Variants in GPR137C observed in about 807,000 individuals in gnomAD.
GPR137C encodes integral membrane protein GPR137C.
In GPR137C, 27 loss-of-function variants were observed where a neutral mutation model predicts 43.4. That is an observed-to-expected ratio of 0.62 (90% CI 0.46 to 0.86). The LOEUF is 0.86. Ranked by LOEUF, GPR137C falls within the 40% of genes least tolerant of loss-of-function variation. GPR137C has a pLI of 0.00. For synonymous variants in GPR137C, 285 were observed against 226.9 expected (o/e 1.26, Z -2.30); for missense variants, 522 against 534.6 (o/e 0.98, Z 0.23).
rs2038107819 is a variant in GPR137C at position 52,553,151 on chromosome 14, A to C, written c.4A>C (p.Arg2=). The C allele has an allele frequency of 3.1e-5, 36 of 1,169,344 alleles. No individual in the cohort carries two copies. Among genetic ancestry groups the C allele is most frequent in the Non-Finnish European group, 3.7e-5 (35 of 950,384 alleles). The allele number at this position is 1,169,344 out of a possible 1,614,324, so 72.4% of individuals were successfully genotyped here. A position where few individuals can be genotyped will look rare whatever the true frequency, so the allele number is the denominator to read the frequency against. M[R]VSVPGPAAAA... is the part of the protein sequence containing the mutation. ...TCGCCCGGCCCCCAGCCCCCTCATG[A>C]GGGTGTCCGTGCCGGGTCCGGCGGC... Residue 2 remains arginine, a synonymous_variant, in exon 1 of 7, where the codon AGG becomes CGG. Coordinates refer to ENST00000321662, the MANE Select transcript of GPR137C (RefSeq NM_001099652.2).
chr14:52,566,534 G>A (rs2038372646), intron 1 of GPR137C, among the ~76,000 whole-genome samples: 1 of 152,088 alleles, frequency 6.6e-6, no homozygotes, highest in Admixed American at 6.5e-5. Flanking sequence ...GTGCCCAATT[G>A]GCATTTTTTT....
intron 1 of GPR137C, 49 bp downstream of exon 1, chr14:52,553,640 G>T: frequency 7.7e-7 from 1 of 1,304,220 alleles, no homozygotes; most frequent in East Asian, 2.7e-5. Context: ...GCGCGGGGCC[G>T]CCGGGATCAA....
rs1288019224 is a variant in GPR137C at position 52,578,940 on chromosome 14, G to A, written c.445-19332G>A. Among the ~76,000 whole-genome samples, 6 of 149,196 alleles carry A rather than the reference G, an allele frequency of 4.0e-5. No individual in the cohort carries two copies. The South Asian group carries it at 6.3e-4, about 16-fold the overall frequency. On this transcript the variant is annotated intron_variant, in intron 1 of 6. Coordinates refer to ENST00000321662, the MANE Select transcript of GPR137C (RefSeq NM_001099652.2). Reference sequence around the variant, plus strand: ...GCCTGGTCAACAAGAGCGAGACTCCGTCTCAAAAAAAAAAAAAAAGAATGG... The same window carrying A: ...GCCTGGTCAACAAGAGCGAGACTCCATCTCAAAAAAAAAAAAAAAGAATGG...
At chr14:52,569,311 A>G (rs1264303642) in intron 1 of GPR137C, among the ~76,000 whole-genome samples, 3 of 152,122 alleles carry the variant, frequency 2.0e-5, no homozygotes, top group Non-Finnish European at 2.9e-5. Flanking sequence ...GACCAAAGGT[A>G]GGTAAATCCA....
chr14:52,610,159 C>G (rs146119477), intron 3 of GPR137C, among the ~76,000 whole-genome samples: 37 of 152,320 alleles, frequency 2.4e-4, no homozygotes, highest in African/African-American at 8.9e-4. Flanking sequence ...ATTACTACAT[C>G]TGTCACCCTC....
intron 1 of GPR137C, among the ~76,000 whole-genome samples, chr14:52,573,684 C>A (rs1185130377): frequency 6.6e-6 from 1 of 152,188 alleles, no homozygotes; most frequent in Non-Finnish European, 1.5e-5. Flanking sequence ...ATGACCAAAA[C>A]ACCAAAAGCA....
At chr14:52,567,298 A>G (rs1452699994) in intron 1 of GPR137C, among the ~76,000 whole-genome samples, 1 of 152,230 alleles carries the variant, frequency 6.6e-6, no homozygotes. Flanking sequence ...AAATAGCAGA[A>G]CATAATAAGA....
intron 1 of GPR137C, among the ~76,000 whole-genome samples, chr14:52,558,136 TCA>T (rs1431728772): frequency 6.7e-6 from 1 of 149,766 alleles, no homozygotes; most frequent in East Asian, 2.0e-4. Context: ...TGATAAAATA[TCA>T]CACAAATGTG....
At chr14:52,613,325 C>T (rs1332316119) in intron 3 of GPR137C, 4 of 152,006 alleles carry the variant, frequency 2.6e-5, no homozygotes. Flanking sequence ...CAATATCCAT[C>T]CCCTCAAGCA....
intron 1 of GPR137C, among the ~76,000 whole-genome samples, chr14:52,560,705 T>G: frequency 6.6e-6 from 1 of 152,172 alleles, no homozygotes; most frequent in Admixed American, 6.5e-5. Flanking sequence ...AATATTCGTA[T>G]GGGAAAAATG....
rs1566616393 is a variant in GPR137C, at chr14:52,598,246, A to T, written c.445-26A>T. ...GAATTCTATATTACACGTTTTCAAAATTTTTTTTTTATATTCTCTTTATAG... is the reference window on the plus strand; with the variant it reads ...GAATTCTATATTACACGTTTTCAAATTTTTTTTTTTATATTCTCTTTATAG... On this transcript the variant is annotated intron_variant, in intron 1 of 6. Transcript: ENST00000321662. The T allele has an allele frequency of 8.7e-5, 86 of 985,232 alleles. No individual in the cohort carries two copies. Among genetic ancestry groups the T allele is most frequent in the South Asian group, 1.8e-4 (9 of 51,368 alleles). 61.0% of individuals were successfully genotyped at this position (985,232 alleles called of 1,614,324 possible). A position where few individuals can be genotyped will look rare whatever the true frequency, so the allele number is the denominator to read the frequency against.
chr14:52,556,028 T>C (rs1473724238), intron 1 of GPR137C, among the ~76,000 whole-genome samples: 2 of 152,176 alleles, frequency 1.3e-5, no homozygotes, highest in African/African-American at 4.8e-5. Context: ...TCCTAGTGAG[T>C]TCTTCATATT....
intron 1 of GPR137C, among the ~76,000 whole-genome samples, chr14:52,588,857 C>T (rs1025152368): frequency 3.3e-4 from 50 of 152,062 alleles, no homozygotes; most frequent in African/African-American, 1.2e-3. Context: ...AAGAAGTATA[C>T]ATTGAAGTAC....
intron 1 of GPR137C, among the ~76,000 whole-genome samples, chr14:52,554,549 A>C (rs2038163443): frequency 6.6e-6 from 1 of 152,054 alleles, no homozygotes; most frequent in Non-Finnish European, 1.5e-5. Context: ...ACTTTCCCCC[A>C]AAAAAGTCCT....
rs187669763 is a variant in GPR137C at position 52,633,760 on chromosome 14, T to C, written c.994-68T>C. The C allele has an allele frequency of 3.3e-5, 50 of 1,519,442 alleles. 1 individual carries two copies. The South Asian group carries it at 4.5e-4, about 14-fold the overall frequency. 94.1% of individuals were successfully genotyped at this position (1,519,442 alleles called of 1,614,324 possible). On this transcript the variant is annotated intron_variant, in intron 5 of 6. Coordinates refer to ENST00000321662, the MANE Select transcript of GPR137C (RefSeq NM_001099652.2). ...CAAAGGTTAAGACTAAAAATTATTA[T>C]AGATTCTAGCCTCCTTTCTTAGTGG...
intron 1 of GPR137C, among the ~76,000 whole-genome samples, chr14:52,559,727 A>G (rs1432755081): frequency 2.0e-5 from 3 of 152,252 alleles, no homozygotes; most frequent in African/African-American, 7.2e-5. Flanking sequence ...AAACAGAAGT[A>G]AAATTGTCTC....
chr14:52,617,582 G>A (rs953120388), intron 3 of GPR137C, among the ~76,000 whole-genome samples: 4 of 152,170 alleles, frequency 2.6e-5, no homozygotes, highest in African/African-American at 9.7e-5. Flanking sequence ...GGGAGGCTGA[G>A]GCAGGAGCAT....
At chr14:52,591,863 C>T (rs943204610) in intron 1 of GPR137C, among the ~76,000 whole-genome samples, 14 of 152,026 alleles carry the variant, frequency 9.2e-5, no homozygotes, top group African/African-American at 3.4e-4. Context: ...CTTTTGTTGC[C>T]ATTGCTTTTG....
intron 3 of GPR137C, among the ~76,000 whole-genome samples, chr14:52,600,908 T>G (rs1337488403): frequency 1.3e-5 from 2 of 152,206 alleles, no homozygotes; most frequent in African/African-American, 4.8e-5. Flanking sequence ...TAAAAGTGGT[T>G]TTTATTTGTA....
Sources: gnomAD v4.1 joint callset for allele counts (sites outside exome capture counted in the v4.1 genomes callset) on GRCh38, gnomAD v4.1.1 for gene constraint, MANE v1.5 for transcripts, NCBI Gene and HGNC (gene_info 2026-07-23, HGNC 2026-07-21) for gene names.